SPOCK3: variants seen among roughly 807,000 people sequenced by gnomAD.
SPOCK3 encodes SPARC (osteonectin), cwcv and kazal like domains proteoglycan 3.
SPOCK3 carries 30 observed loss-of-function variants against 56.6 expected under a neutral mutation model. The ratio of observed to expected loss-of-function variants is 0.53; its 90% CI spans 0.40 to 0.72. SPOCK3 has a LOEUF of 0.72. SPOCK3 is among the 30% of genes least tolerant of loss of function. SPOCK3 has a pLI of 0.00. For synonymous variants in SPOCK3, 196 were observed against 183.3 expected, an observed-to-expected ratio of 1.07 and a Z score of -0.56; for missense variants, 527 against 530.0, an observed-to-expected ratio of 0.99 and a Z score of 0.06.
At chr4:166,764,325 TG>T (rs1476308015) in intron 7 of SPOCK3, among the ~76,000 whole-genome samples, 5 of 152,108 alleles carry the variant, frequency 3.3e-5, no homozygotes, top group Admixed American at 6.6e-5. Context: ...TATCTCCTAA[TG>T]CTTTCCCTCC....
intron 6 of SPOCK3, among the ~76,000 whole-genome samples, chr4:166,853,408 CCTCTT>C (rs1163297125): frequency 2.0e-5 from 3 of 152,120 alleles, no homozygotes; most frequent in African/African-American, 7.2e-5. Context: ...ATGCTGATCT[CCTCTT>C]ATTTTTATAA....
At chr4:167,213,992 C>T (rs899280009) in intron 2 of SPOCK3, among the ~76,000 whole-genome samples, 1 of 152,164 alleles carries the variant, frequency 6.6e-6, no homozygotes, top group South Asian at 2.1e-4. Context: ...TAATCCTGTA[C>T]TATAAAATGC....
At chr4:166,946,390 G>C (rs1177104167) in intron 4 of SPOCK3, among the ~76,000 whole-genome samples, 3 of 152,098 alleles carry the variant, frequency 2.0e-5, no homozygotes, top group African/African-American at 7.2e-5. Context: ...CATACCCCAG[G>C]CTCAGTCTGC....
intron 4 of SPOCK3, among the ~76,000 whole-genome samples, chr4:166,993,397 C>T (rs1449343362): frequency 6.6e-6 from 1 of 152,084 alleles, no homozygotes; most frequent in Admixed American, 6.5e-5. Context: ...ATAGGCAATG[C>T]TAAAGGATGT....
intron 8 of SPOCK3, among the ~76,000 whole-genome samples, chr4:166,746,742 T>G (rs1447030353): frequency 5.9e-5 from 9 of 151,686 alleles, no homozygotes; most frequent in African/African-American, 7.3e-5. Flanking sequence ...GATAGCAAGA[T>G]TAATAAAGAA....
intron 2 of SPOCK3, among the ~76,000 whole-genome samples, chr4:167,184,986 C>T (rs1002404534): frequency 2.0e-5 from 3 of 152,162 alleles, no homozygotes; most frequent in African/African-American, 7.2e-5. Flanking sequence ...CCCTGCCCCT[C>T]CCTATTTCAA....
intron 3 of SPOCK3, among the ~76,000 whole-genome samples, chr4:167,020,644 C>T (rs1416984762): frequency 6.6e-6 from 1 of 151,920 alleles, no homozygotes; most frequent in East Asian, 1.9e-4. Context: ...GATGCCAGTG[C>T]CTTGATCTTG....
chr4:166,865,060 C>A (rs1731659300), intron 6 of SPOCK3, among the ~76,000 whole-genome samples: 1 of 152,148 alleles, frequency 6.6e-6, no homozygotes, highest in Admixed American at 6.6e-5. Flanking sequence ...CCAAACCCAG[C>A]AGCACATCAA....
intron 2 of SPOCK3, among the ~76,000 whole-genome samples, chr4:167,207,155 A>G (rs1734426318): frequency 6.6e-6 from 1 of 152,056 alleles, no homozygotes; most frequent in Non-Finnish European, 1.5e-5. Context: ...GTTTTTATTT[A>G]TTTGAAATAA....
chr4:166,881,133 C>T (rs936610320), intron 6 of SPOCK3, among the ~76,000 whole-genome samples: 1 of 151,916 alleles, frequency 6.6e-6, no homozygotes, highest in African/African-American at 2.4e-5. Context: ...AAATGTAATA[C>T]AATTTTACTT....
chr4:166,787,424 A>G (rs1225936648), intron 7 of SPOCK3, among the ~76,000 whole-genome samples: 1 of 152,182 alleles, frequency 6.6e-6, no homozygotes, highest in Non-Finnish European at 1.5e-5. Context: ...ACTAATAAAA[A>G]TAGAGATTGC....
chr4:167,090,379 T>A (rs1758600263), intron 2 of SPOCK3, among the ~76,000 whole-genome samples: 1 of 152,166 alleles, frequency 6.6e-6, no homozygotes, highest in Non-Finnish European at 1.5e-5. Flanking sequence ...ATTTACACAG[T>A]GACTAATGAT....
chr4:167,204,757 C>T (rs1388861344), intron 2 of SPOCK3, among the ~76,000 whole-genome samples: 1 of 151,880 alleles, frequency 6.6e-6, no homozygotes, highest in Non-Finnish European at 1.5e-5. Flanking sequence ...TTTAAAGTCA[C>T]TGTTTTTTTT....
At chr4:167,134,658 G>A (rs1762970911) in intron 2 of SPOCK3, among the ~76,000 whole-genome samples, 2 of 152,048 alleles carry the variant, frequency 1.3e-5, no homozygotes. Flanking sequence ...TCTTTCTAAA[G>A]TTGTGTTCTG....
intron 2 of SPOCK3, among the ~76,000 whole-genome samples, chr4:167,073,110 T>C (rs1259162129): frequency 6.6e-6 from 1 of 151,754 alleles, no homozygotes; most frequent in Non-Finnish European, 1.5e-5. Context: ...ATTAATAATG[T>C]AAAAATATTT....
intron 3 of SPOCK3, among the ~76,000 whole-genome samples, chr4:167,020,694 T>C (rs1468225351): frequency 1.3e-5 from 2 of 152,052 alleles, no homozygotes; most frequent in Non-Finnish European, 2.9e-5. Flanking sequence ...TATGTATGTG[T>C]TCTTTATAAA....
chr4:167,197,947 A>G (rs1733124565), intron 2 of SPOCK3, among the ~76,000 whole-genome samples: 1 of 152,140 alleles, frequency 6.6e-6, no homozygotes, highest in Non-Finnish European at 1.5e-5. Flanking sequence ...GCTTTGCAAC[A>G]TTCTTGACAA....
intron 6 of SPOCK3, among the ~76,000 whole-genome samples, chr4:166,874,281 C>T (rs927911642): frequency 3.9e-5 from 6 of 152,012 alleles, no homozygotes; most frequent in Admixed American, 2.6e-4. Context: ...GGAGAATGAA[C>T]GCAAGCAAGA....
chr4:166,896,699 T>C (rs1735424614), intron 5 of SPOCK3, among the ~76,000 whole-genome samples: 1 of 152,202 alleles, frequency 6.6e-6, no homozygotes. Flanking sequence ...CGATTGCCTT[T>C]TTCCATGTTT....
Sources: allele counts gnomAD v4.1 joint callset (sites outside exome capture counted in the v4.1 genomes callset), GRCh38; gene constraint gnomAD v4.1.1; transcripts MANE v1.5; gene names NCBI Gene and HGNC (gene_info 2026-07-23, HGNC 2026-07-21).